MECOM: variants seen among roughly 807,000 people sequenced by gnomAD.
MECOM encodes the protein MDS1 and EVI1 complex locus, also known as histone-lysine N-methyltransferase MECOM.
MECOM carries 13 observed loss-of-function variants against 116.3 expected under a neutral mutation model. That is an observed-to-expected ratio of 0.11 (90% CI 0.07 to 0.18). The LOEUF (loss-of-function observed/expected upper bound fraction) is 0.18, where lower values mean the gene tolerates loss of function less well. Among genes scored for constraint, MECOM ranks in the 10% least tolerant of loss-of-function variants. The pLI, the probability that MECOM is intolerant of heterozygous loss-of-function variation, is 1.00. For missense variants in MECOM, 1,299 were observed against 1,509.0 expected (o/e 0.86, Z 2.31); for synonymous variants, 528 against 535.2 (o/e 0.99, Z 0.19).
intron 2 of MECOM, among the ~76,000 whole-genome samples, chr3:169,372,383 T>A (rs1300411538): frequency 1.3e-5 from 2 of 151,990 alleles, no homozygotes; most frequent in Non-Finnish European, 2.9e-5. Context: ...GAAGCAAACT[T>A]TTTACTTTTT....
chr3:169,523,286 A>G (rs990031745), intron 1 of MECOM, among the ~76,000 whole-genome samples: 1 of 152,202 alleles, frequency 6.6e-6, no homozygotes, highest in African/African-American at 2.4e-5. Context: ...TCTGGGGCCT[A>G]TAAAGAGAAG....
At chr3:169,598,810 G>T (rs1476615735) in intron 1 of MECOM, among the ~76,000 whole-genome samples, 1 of 152,138 alleles carries the variant, frequency 6.6e-6, no homozygotes, top group African/African-American at 2.4e-5. Flanking sequence ...AAGAAAACAG[G>T]AGACAAAAAT....
intron 2 of MECOM, among the ~76,000 whole-genome samples, chr3:169,341,621 TC>T (rs1281638968): frequency 2.6e-5 from 4 of 151,232 alleles, no homozygotes; most frequent in Non-Finnish European, 5.9e-5. Flanking sequence ...ATGCCTGTAG[TC>T]CCAGCTACTC....
chr3:169,136,871 A>G (rs555706525), intron 3 of MECOM, among the ~76,000 whole-genome samples: 1 of 152,288 alleles, frequency 6.6e-6, no homozygotes, highest in Admixed American at 6.5e-5. Flanking sequence ...CTGATCAAAC[A>G]CTGGAAGTTT....
At chr3:169,641,269 G>A (rs1773454507) in intron 1 of MECOM, among the ~76,000 whole-genome samples, 1 of 152,198 alleles carries the variant, frequency 6.6e-6, no homozygotes, top group South Asian at 2.1e-4. Flanking sequence ...AAGTAGGAAA[G>A]CACTTGGAGT....
intron 1 of MECOM, among the ~76,000 whole-genome samples, chr3:169,469,144 A>G (rs1262164053): frequency 1.3e-5 from 2 of 151,808 alleles, no homozygotes; most frequent in Non-Finnish European, 2.9e-5. Flanking sequence ...CACTGAACTC[A>G]ATCTGGAGCC....
At chr3:169,208,565 A>T (rs1004788945) in intron 2 of MECOM, among the ~76,000 whole-genome samples, 7 of 151,938 alleles carry the variant, frequency 4.6e-5, no homozygotes, top group African/African-American at 1.7e-4. Flanking sequence ...CACTTAGGAC[A>T]TATTTAGGCA....
At chr3:169,628,255 A>C (rs1222901475) in intron 1 of MECOM, among the ~76,000 whole-genome samples, 1 of 152,228 alleles carries the variant, frequency 6.6e-6, no homozygotes, top group Non-Finnish European at 1.5e-5. Flanking sequence ...TAGTTCATTA[A>C]AGAGGTTCTA....
chr3:169,415,656 C>T (rs1738447479), intron 1 of MECOM, among the ~76,000 whole-genome samples: 1 of 151,514 alleles, frequency 6.6e-6, no homozygotes, highest in Non-Finnish European at 1.5e-5. Flanking sequence ...CAAAGACACA[C>T]ATAGGCTCAA....
Position 169,127,992 on chromosome 3 carries a change from G to C in MECOM, c.682C>G (p.Gln228Glu). The C allele has an allele frequency of 6.2e-7, 1 of 1,614,030 alleles. No individual in the cohort carries two copies. The stretch of plus-strand genomic sequence containing the variant: ...TGAGGAGTACTGCATGGAAACTTTT[G>C]GTGATCTGCTAGTTCAGCCTTAGAT... ...FESKAELADH[Q>E]KFPCSTPHSA... is the part of the protein sequence containing the mutation. Residue 228 changes from glutamine to glutamate, a missense_variant, in exon 5 of 17, where the codon CAA (glutamine) becomes GAA (glutamate). Physicochemically the swap from Gln to Glu is conservative, Grantham distance 29. Around this residue, in one of 6 missense-constraint regions of MECOM, gnomAD observed 374 missense variants for 433.4 expected, o/e 0.86. Transcript: ENST00000651503.
intron 2 of MECOM, among the ~76,000 whole-genome samples, chr3:169,276,421 C>T (rs1443428655): frequency 5.3e-5 from 8 of 151,756 alleles, no homozygotes; most frequent in Non-Finnish European, 8.8e-5. Flanking sequence ...GGCACGGTGG[C>T]GCGTGCCTGT....
chr3:169,343,887 G>A (rs940622316), intron 2 of MECOM, among the ~76,000 whole-genome samples: 12 of 152,040 alleles, frequency 7.9e-5, no homozygotes, highest in Admixed American at 6.6e-4. Context: ...ATTAAACATT[G>A]TTGACATTCA....
intron 2 of MECOM, among the ~76,000 whole-genome samples, chr3:169,317,066 T>C (rs1007757448): frequency 6.6e-6 from 1 of 152,216 alleles, no homozygotes; most frequent in African/African-American, 2.4e-5. Flanking sequence ...ACAAAGAGTT[T>C]ATTCAACAGT....
chr3:169,433,658 A>AAAGAAAGG (rs1742086361), intron 1 of MECOM, among the ~76,000 whole-genome samples: 3 of 135,362 alleles, frequency 2.2e-5, no homozygotes, highest in Middle Eastern at 3.8e-3. Context: ...AGAAAGAAAG[A>AAAGAAAGG]AAGAAAGAAA....
At chr3:169,589,804 T>C (rs138440381) in intron 1 of MECOM, among the ~76,000 whole-genome samples, 5 of 152,314 alleles carry the variant, frequency 3.3e-5, no homozygotes, top group African/African-American at 7.2e-5. Flanking sequence ...TACAAACCTA[T>C]ACATCCATCT....
In MECOM at chr3:169,551,068, C is replaced by T. The variant is rs533699930; in HGVS notation, c.37+112268G>A. Among the ~76,000 whole-genome samples, 7 of 94,948 alleles carry T rather than the reference C, an allele frequency of 7.4e-5. 2 individuals carry two copies. Among genetic ancestry groups the T allele is most frequent in the African/African-American group, 2.2e-4 (7 of 31,122 alleles). The allele number at this position is 94,948 out of a possible 152,430, so 62.3% of individuals were successfully genotyped here. On this transcript the variant is annotated intron_variant, in intron 1 of 16. Coordinates refer to ENST00000651503, the MANE Select transcript of MECOM (RefSeq NM_004991.4). ...TCGATCTCCTGACCTCGTGATCCGCCCGCCTCGGCCTCCCAAAGTGCTGCC... is the reference window on the plus strand; with the variant it reads ...TCGATCTCCTGACCTCGTGATCCGCTCGCCTCGGCCTCCCAAAGTGCTGCC...
chr3:169,170,362 G>T (rs1008045336), intron 2 of MECOM, among the ~76,000 whole-genome samples: 19 of 131,514 alleles, frequency 1.4e-4, no homozygotes, highest in Admixed American at 1.3e-3. Flanking sequence ...AGCCAAGATC[G>T]CACCACTGCA....
At position 169,418,129 on chromosome 3, in the gene MECOM, A is replaced by C. The variant is rs912563357; in HGVS notation, c.38-36605T>G. Among the ~76,000 whole-genome samples, 10 of 151,984 alleles carry C rather than the reference A, an allele frequency of 6.6e-5. No homozygotes were observed. In the East Asian group the frequency reaches 9.6e-4, roughly 15 times the overall value. ...TAATAATAAAAAAAAACTAAACAAAAAAAAAAAAAGAAAATCTAGAAGAAA... is the reference window on the plus strand; with the variant it reads ...TAATAATAAAAAAAAACTAAACAAACAAAAAAAAAGAAAATCTAGAAGAAA... On this transcript the variant is annotated intron_variant, in intron 1 of 16. Coordinates refer to ENST00000651503, the MANE Select transcript of MECOM (RefSeq NM_004991.4).
At chr3:169,493,927 G>A (rs1251021902) in intron 1 of MECOM, among the ~76,000 whole-genome samples, 1 of 117,818 alleles carries the variant, frequency 8.5e-6, no homozygotes, top group Non-Finnish European at 2.0e-5. Flanking sequence ...TGTTCAACCT[G>A]ACAGTAACGT....
Sources: gnomAD v4.1 joint callset for allele counts (sites outside exome capture counted in the v4.1 genomes callset) on GRCh38, gnomAD v4.1.1 for gene constraint, gnomAD v4.1.1 regional missense constraint, MANE v1.5 for transcripts, NCBI Gene and HGNC (gene_info 2026-07-23, HGNC 2026-07-21) for gene names.